SCOC: variants seen among roughly 807,000 people sequenced by gnomAD.
SCOC encodes short coiled coil protein.
SCOC carries 7 observed loss-of-function variants against 9.9 expected under a neutral mutation model. That is an observed-to-expected ratio of 0.71 (90% confidence interval 0.40 to 1.33). SCOC has a LOEUF of 1.33. Ranked by LOEUF, SCOC falls within the 40% of genes most tolerant of loss-of-function variation. The pLI is 0.01. For synonymous variants in SCOC, 19 were observed against 28.2 expected (o/e 0.67, Z 1.03); for missense variants, 66 against 89.7 (o/e 0.74, Z 1.07).
At chr4:140,317,632 T>C (rs1332860952) in intron 1 of SCOC, among the ~76,000 whole-genome samples, 6 of 148,608 alleles carry the variant, frequency 4.0e-5, no homozygotes, top group Admixed American at 6.7e-5. Flanking sequence ...CTTCCTTCTT[T>C]TTTTTTTTTT....
upstream of SCOC, among the ~76,000 whole-genome samples, chr4:140,339,787 A>C (rs1046183566): frequency 3.1e-4 from 47 of 152,258 alleles, no homozygotes; most frequent in Admixed American, 5.2e-4. Flanking sequence ...CGATCATTAA[A>C]AAGTCAGGGA....
chr4:140,276,926 C>T (rs773749206), intron 1 of SCOC, among the ~76,000 whole-genome samples: 13 of 152,088 alleles, frequency 8.5e-5, no homozygotes, highest in Non-Finnish European at 1.2e-4. Flanking sequence ...ATGCACATAC[C>T]AACAATGTAA....
chr4:140,266,602 C>T (rs1005235015), intron 1 of SCOC, among the ~76,000 whole-genome samples: 4 of 152,114 alleles, frequency 2.6e-5, no homozygotes, highest in Non-Finnish European at 5.9e-5. Context: ...CAGTCTCTAA[C>T]ATGGGGATGG....
chr4:140,291,371 G>A lies in SCOC; in HGVS notation c.-19+33961G>A, dbSNP rs189720394. 9.2e-5 allele frequency: 42 copies of A among 455,938 alleles called. No homozygotes were observed. In the East Asian group the frequency reaches 2.8e-3, roughly 30 times the overall value. 28.2% of individuals were successfully genotyped at this position (455,938 alleles called of 1,614,324 possible). ...AGACTTCACGTGGTGGCAGCCGCCT[G>A]GCTCTTCATATACCTTACCTTCTGC... On this transcript the variant is annotated intron_variant, in intron 1 of 4. Coordinates refer to the SCOC transcript ENST00000394205.
rs998140658 is a variant in SCOC, at chr4:140,382,108, G to A, written c.*1004G>A. 14 of 152,236 alleles carry A rather than the reference G, an allele frequency of 9.2e-5. No individual in the cohort carries two copies. The highest frequency in any genetic ancestry group is 3.1e-4 in the African/African-American group (13 of 41,536). The allele number at this position is 152,236 out of a possible 1,614,324, so 9.4% of individuals were successfully genotyped here. On this transcript the variant is annotated 3_prime_UTR_variant, in exon 4 of 4. Coordinates refer to ENST00000608372, the MANE Select transcript of SCOC (RefSeq NM_001153484.2). ...AGTGGGTCAACTTCTGCAAAATTCC[G>A]TAATGGTGTATTAGTATTAGAATAG... is the stretch of plus-strand genomic sequence containing the variant.
At chr4:140,343,840 CA>C in intron 2 of SCOC, 1 of 541,828 alleles carries the variant, frequency 1.8e-6, no homozygotes, top group Non-Finnish European at 3.1e-6. Flanking sequence ...AATATAGTTA[CA>C]AAAACAGGTT....
chr4:140,260,297 G>A (rs948033214), intron 1 of SCOC, among the ~76,000 whole-genome samples: 1 of 152,174 alleles, frequency 6.6e-6, no homozygotes, highest in African/African-American at 2.4e-5. Flanking sequence ...AGAAGAGAAA[G>A]CAACTGAAAA....
At chr4:140,262,835 G>A (rs895563483) in intron 1 of SCOC, among the ~76,000 whole-genome samples, 3 of 151,796 alleles carry the variant, frequency 2.0e-5, no homozygotes, top group Non-Finnish European at 4.4e-5. Context: ...GAGAGAGAGA[G>A]TGAAGGGGGA....
chr4:140,279,235 T>C (rs983360515), intron 1 of SCOC, among the ~76,000 whole-genome samples: 81 of 152,206 alleles, frequency 5.3e-4, no homozygotes, highest in African/African-American at 1.9e-3. Context: ...CAGGAAAGCC[T>C]TTGCAGAGAC....
At chr4:140,379,501 T>C in intron 2 of SCOC, 68 bp from the exon 3 acceptor site, 1 of 1,184,752 alleles carries the variant, frequency 8.4e-7, no homozygotes, top group Non-Finnish European at 1.2e-6. Context: ...TTTGCAGATT[T>C]TTAAGTGCTA....
chr4:140,330,891 C>T (rs187498775), intron 1 of SCOC, among the ~76,000 whole-genome samples: 3 of 152,266 alleles, frequency 2.0e-5, no homozygotes, highest in Admixed American at 6.5e-5. Context: ...ACAGTTTGTG[C>T]CCATTGGGAT....
intron 1 of SCOC, among the ~76,000 whole-genome samples, chr4:140,285,578 T>C (rs550539119): frequency 1.3e-5 from 2 of 152,350 alleles, no homozygotes; most frequent in East Asian, 3.9e-4. Context: ...TTGTAACTTT[T>C]GTCTTTTGGA....
rs79895293 is a variant in SCOC, at chr4:140,332,863, C to T, written c.-18-10758C>T. The stretch of plus-strand genomic sequence containing the variant: ...GTCTTCTAAACTCACTTCCCTGACT[C>T]TGCCTTCCCCTACCCCTCACCCTTT... On this transcript the variant is annotated intron_variant, in intron 1 of 4. Coordinates refer to the SCOC transcript ENST00000394205. Among the ~76,000 whole-genome samples the T allele has an allele frequency of 8.1e-3, 1,237 of 152,294 alleles. 12 individuals are homozygous for T. The highest frequency in any genetic ancestry group is 0.029 in the African/African-American group (1,209 of 41,566).
chr4:140,320,297 G>A (rs576902696), intron 1 of SCOC, among the ~76,000 whole-genome samples: 2 of 152,292 alleles, frequency 1.3e-5, no homozygotes, highest in African/African-American at 4.8e-5. Context: ...TGTCTAAAAA[G>A]GGGAGGCATG....
rs921766014 is a variant in SCOC at position 140,381,862 on chromosome 4, T to G, written c.*758T>G. ...TATATAATTTCTGGTCATGTGTATG[T>G]TAAAATAGAAAATTTTGAGGAAAAA... On this transcript the variant is annotated 3_prime_UTR_variant, in exon 4 of 4. Coordinates refer to ENST00000608372, the MANE Select transcript of SCOC (RefSeq NM_001153484.2). The G allele has an allele frequency of 3.3e-5, 5 of 152,190 alleles. No homozygotes were observed. The highest frequency in any genetic ancestry group is 5.9e-5 in the Non-Finnish European group (4 of 68,012). The allele number at this position is 152,190 out of a possible 1,614,324, so 9.4% of individuals were successfully genotyped here. A position where few individuals can be genotyped will look rare whatever the true frequency, so the allele number is the denominator to read the frequency against.
intron 2 of SCOC, among the ~76,000 whole-genome samples, chr4:140,349,054 G>A (rs1726865431): frequency 6.6e-6 from 1 of 152,132 alleles, no homozygotes; most frequent in Admixed American, 6.6e-5. Context: ...TTTAAATTGG[G>A]ATATTTGTTT....
At position 140,383,044 on chromosome 4, in the gene SCOC, T is replaced by C. The variant is rs1728619798; in HGVS notation, c.*1940T>C. 6.6e-6 allele frequency: 1 copy of C among 152,242 alleles called. No individual in the cohort carries two copies. The highest frequency in any genetic ancestry group is 2.4e-5 in the African/African-American group (1 of 41,468). The allele number at this position is 152,242 out of a possible 1,614,324, so 9.4% of individuals were successfully genotyped here. On this transcript the variant is annotated 3_prime_UTR_variant, in exon 4 of 4. Transcript: ENST00000608372. ...GAAAAAGAACATGGAAGTGTACATA[T>C]GCAAGGTGTTATGGGCTGTGCCTGG...
At chr4:140,279,423 G>A (rs964052488) in intron 1 of SCOC, among the ~76,000 whole-genome samples, 5 of 152,134 alleles carry the variant, frequency 3.3e-5, no homozygotes, top group African/African-American at 7.2e-5. Flanking sequence ...CATCCTCAGT[G>A]CTCACTGAAG....
At chr4:140,366,369 C>T in intron 2 of SCOC, 1 of 1,252,564 alleles carries the variant, frequency 8.0e-7, no homozygotes, top group Non-Finnish European at 1.1e-6. Flanking sequence ...AGCCTTCTTG[C>T]CTGCAGCGGT....
Sources: gnomAD v4.1 joint callset for allele counts (sites outside exome capture counted in the v4.1 genomes callset) on GRCh38, gnomAD v4.1.1 for gene constraint, MANE v1.5 for transcripts, NCBI Gene and HGNC (gene_info 2026-07-23, HGNC 2026-07-21) for gene names.